The following NCOA2 variants were observed in gnomAD, a reference collection of about 807,000 sequenced individuals.
The protein encoded by NCOA2 is class E basic helix-loop-helix protein 75.
Under a neutral mutation model 145.1 loss-of-function variants are expected in NCOA2, and 21 were observed. The observed-to-expected ratio is 0.14, with a 90% CI of 0.10 to 0.21. NCOA2 has a LOEUF of 0.21. NCOA2 is among the 10% of genes least tolerant of loss of function. The probability of loss-of-function intolerance (pLI) is 1.00; values close to 1 mark genes in which losing one functional copy is unlikely to be tolerated. For synonymous variants in NCOA2, 619 were observed against 637.5 expected (o/e 0.97, Z 0.44); for missense variants, 1,472 against 1,837.6 (o/e 0.80, Z 3.64).
At chr8:70,194,087 T>C (rs972428064) in intron 4 of NCOA2, among the ~76,000 whole-genome samples, 3 of 152,232 alleles carry the variant, frequency 2.0e-5, no homozygotes, top group African/African-American at 7.2e-5. Flanking sequence ...ATGAACAACT[T>C]TTCTCTGCTG....
intron 1 of NCOA2, among the ~76,000 whole-genome samples, chr8:70,306,501 G>C (rs1183288721): frequency 6.6e-6 from 1 of 152,192 alleles, no homozygotes; most frequent in Non-Finnish European, 1.5e-5. Flanking sequence ...GATAGATCTT[G>C]AGATGAGCAT....
At position 70,166,589 on chromosome 8, in the gene NCOA2, T is replaced by C; in HGVS notation, c.707A>G (p.Lys236Arg). Residue 236 changes from lysine to arginine, a missense_variant, in exon 7 of 23, where the codon AAG becomes AGG. Lys to Arg is a conservative substitution (Grantham distance 26). Around this residue, in one of 4 missense-constraint regions of NCOA2, gnomAD observed 284 missense variants for 467.8 expected, o/e 0.61. Coordinates refer to ENST00000452400, the MANE Select transcript of NCOA2 (RefSeq NM_006540.4). Reference protein sequence around the residue: ...TMQCFAVSQPKSIKEEGEDLQ... With the variant: ...TMQCFAVSQPRSIKEEGEDLQ... Reference sequence around the variant, plus strand: ...ACCTTCTCCTTCTTCTTTGATGGACTTTGGTTGAGAGACAGCGAAGCACTG... The same window carrying C: ...ACCTTCTCCTTCTTCTTTGATGGACCTTGGTTGAGAGACAGCGAAGCACTG... 1 of 1,614,014 alleles carries C rather than the reference T, an allele frequency of 6.2e-7. No homozygotes were observed. The highest frequency in any genetic ancestry group is 8.5e-7 in the Non-Finnish European group (1 of 1,179,878).
chr8:70,393,496 C>A (rs1302936683), intron 1 of NCOA2, among the ~76,000 whole-genome samples: 3 of 152,114 alleles, frequency 2.0e-5, no homozygotes, highest in African/African-American at 7.2e-5. Context: ...TTCTTCCCTC[C>A]CCACCAAAGG....
intron 19 of NCOA2, among the ~76,000 whole-genome samples, chr8:70,125,831 AAG>A (rs1808348359): frequency 6.6e-6 from 1 of 152,210 alleles, no homozygotes; most frequent in South Asian, 2.1e-4. Context: ...ACTAAAAGGA[AAG>A]AGAACTTTCA....
intron 1 of NCOA2, among the ~76,000 whole-genome samples, chr8:70,337,592 TTAAG>T (rs945078213): frequency 6.6e-5 from 10 of 152,202 alleles, no homozygotes; most frequent in African/African-American, 2.4e-4. Context: ...GCTCTCAGGT[TTAAG>T]TAAGTCAATA....
At chr8:70,346,580 T>C (rs982478159) in intron 1 of NCOA2, among the ~76,000 whole-genome samples, 2 of 152,224 alleles carry the variant, frequency 1.3e-5, no homozygotes, top group Non-Finnish European at 2.9e-5. Flanking sequence ...ACATCATTTA[T>C]CACACATATC....
the NCOA2 span, among the ~76,000 whole-genome samples, chr8:70,439,411 G>C: frequency 1.4e-4 from 22 of 152,296 alleles, no homozygotes; most frequent in Non-Finnish European, 2.6e-4. Flanking sequence ...GGTGACCCTT[G>C]AGCTGAGTCT....
chr8:70,379,661 T>C (rs1031390706), intron 1 of NCOA2, among the ~76,000 whole-genome samples: 2 of 152,184 alleles, frequency 1.3e-5, no homozygotes, highest in Admixed American at 6.5e-5. Flanking sequence ...AAAAGTCATC[T>C]TTTTGCCCAT....
chr8:70,363,694 C>T (rs748958702), intron 1 of NCOA2, among the ~76,000 whole-genome samples: 7 of 152,036 alleles, frequency 4.6e-5, no homozygotes, highest in Admixed American at 1.3e-4. Flanking sequence ...AAAGGCAAAA[C>T]TACAGAAAGA....
intron 1 of NCOA2, among the ~76,000 whole-genome samples, chr8:70,376,149 G>A (rs1811647638): frequency 1.3e-5 from 2 of 152,178 alleles, no homozygotes; most frequent in African/African-American, 4.8e-5. Flanking sequence ...AGGGCAGGAG[G>A]AGGATAAGTA....
chr8:70,147,819 A>G (rs116744178), intron 12 of NCOA2, among the ~76,000 whole-genome samples: 1 of 151,974 alleles, frequency 6.6e-6, no homozygotes, highest in Non-Finnish European at 1.5e-5. Flanking sequence ...ATTTTTTTTT[A>G]AATTTATTTT....
chr8:70,221,781 CAAAT>C (rs1405459854), intron 2 of NCOA2, among the ~76,000 whole-genome samples: 1 of 152,094 alleles, frequency 6.6e-6, no homozygotes, highest in Admixed American at 6.6e-5. Context: ...ATCACACAGA[CAAAT>C]AAAACAGAAG....
At chr8:70,301,990 G>T (rs901126709) in intron 1 of NCOA2, among the ~76,000 whole-genome samples, 7 of 152,078 alleles carry the variant, frequency 4.6e-5, no homozygotes, top group African/African-American at 1.2e-4. Context: ...CATAATATAT[G>T]ATTAATACAA....
At chr8:70,162,634 G>C (rs1813159483) in intron 9 of NCOA2, 77 bp downstream of exon 9, 2 of 1,454,314 alleles carry the variant, frequency 1.4e-6, no homozygotes, top group Non-Finnish European at 1.9e-6. Flanking sequence ...CTGTTCCCAA[G>C]GTGAACTCCA....
At chr8:70,331,817 G>C (rs773189294) in intron 1 of NCOA2, among the ~76,000 whole-genome samples, 3 of 152,130 alleles carry the variant, frequency 2.0e-5, no homozygotes, top group Non-Finnish European at 2.9e-5. Flanking sequence ...TCATTAAGAT[G>C]TTACAGTCCC....
chr8:70,273,847 A>T, intron 2 of NCOA2: 1 of 554,802 alleles, frequency 1.8e-6, no homozygotes, highest in Non-Finnish European at 3.5e-6. Context: ...AACTGAAGTG[A>T]GTCAACTTCA....
chr8:70,301,844 A>C (rs1827531879), intron 1 of NCOA2, among the ~76,000 whole-genome samples: 1 of 152,048 alleles, frequency 6.6e-6, no homozygotes, highest in Non-Finnish European at 1.5e-5. Context: ...TAATCAAGCC[A>C]GCCAGACAGA....
chr8:70,246,356 G>C (rs892479851), intron 2 of NCOA2, among the ~76,000 whole-genome samples: 12 of 152,182 alleles, frequency 7.9e-5, no homozygotes, highest in African/African-American at 2.9e-4. Context: ...GTTGAAAGTG[G>C]GGAAAAAGAT....
intron 15 of NCOA2, among the ~76,000 whole-genome samples, chr8:70,133,200 CTTTTTTT>C (rs57813061): frequency 1.9e-5 from 2 of 106,988 alleles, no homozygotes; most frequent in African/African-American, 4.0e-5. Flanking sequence ...CTGGCTGCTA[CTTTTTTT>C]TTTTTTTTTT....
Sources: gnomAD v4.1 joint callset for allele counts (sites outside exome capture counted in the v4.1 genomes callset) on GRCh38, gnomAD v4.1.1 for gene constraint, gnomAD v4.1.1 regional missense constraint, MANE v1.5 for transcripts, NCBI Gene and HGNC (gene_info 2026-07-23, HGNC 2026-07-21) for gene names.